The following WWOX variants were observed in gnomAD, a reference collection of about 807,000 sequenced individuals.
WWOX encodes the protein WW domain containing oxidoreductase.
A neutral mutation model predicts 46.2 loss-of-function variants in WWOX; 69 were observed. The ratio of observed to expected loss-of-function variants is 1.49; its 90% CI spans 1.23 to 1.82. The LOEUF (loss-of-function observed/expected upper bound fraction) is 1.82. Ranked by LOEUF, WWOX falls within the 40% of genes most tolerant of loss-of-function variation. The probability of loss-of-function intolerance (pLI) is 0.00; values close to 1 mark genes in which losing one functional copy is unlikely to be tolerated. For missense variants in WWOX, 919 were observed against 542.6 expected (o/e 1.69, Z -6.89); for synonymous variants, 359 against 202.6 (o/e 1.77, Z -6.56).
In WWOX at chr16:78,930,608, T is replaced by G. The variant is rs2045603526; in HGVS notation, c.1057-281000T>G. Among the ~76,000 whole-genome samples the G allele has an allele frequency of 2.6e-5, 4 of 151,636 alleles. No individual in the cohort carries two copies. The South Asian group carries it at 8.3e-4, about 32-fold the overall frequency. On this transcript the variant is annotated intron_variant, in intron 8 of 8. Transcript: ENST00000566780. ...ACCAGGCAAGGACTTTTTTTTTTTT[T>G]TTTAAACAAACTTCACTCAGTTTGA...
intron 8 of WWOX, among the ~76,000 whole-genome samples, chr16:78,797,127 C>T (rs564781890): frequency 6.6e-6 from 1 of 152,020 alleles, no homozygotes; most frequent in South Asian, 2.1e-4. Flanking sequence ...TGCTGGGCCC[C>T]AACTTTCTTT....
chr16:78,852,327 C>T (rs1015501448), intron 8 of WWOX, among the ~76,000 whole-genome samples: 32 of 152,150 alleles, frequency 2.1e-4, no homozygotes, highest in African/African-American at 7.0e-4. Context: ...ACCTCTGAAG[C>T]TAGGTGACAA....
At chr16:79,087,611 A>T (rs2150593138) in intron 8 of WWOX, among the ~76,000 whole-genome samples, 1 of 152,322 alleles carries the variant, frequency 6.6e-6, no homozygotes, top group African/African-American at 2.4e-5. Context: ...TTGACTTCAT[A>T]TTGGAGGCAG....
intron 8 of WWOX, among the ~76,000 whole-genome samples, chr16:78,713,964 T>C (rs968286554): frequency 3.9e-5 from 6 of 152,064 alleles, no homozygotes; most frequent in Admixed American, 3.9e-4. Context: ...CTGTCTCCAA[T>C]TGGCTACGAG....
intron 8 of WWOX, among the ~76,000 whole-genome samples, chr16:79,036,866 C>T (rs1021935745): frequency 1.3e-5 from 2 of 152,112 alleles, no homozygotes; most frequent in Non-Finnish European, 2.9e-5. Flanking sequence ...AAGAGAGGAT[C>T]AGATTCAGTG....
chr16:79,146,457 C>T (rs1271604184), intron 8 of WWOX, among the ~76,000 whole-genome samples: 1 of 152,054 alleles, frequency 6.6e-6, no homozygotes, highest in African/African-American at 2.4e-5. Flanking sequence ...ACCTGGGCAG[C>T]GTAGTAGAAG....
chr16:78,859,436 T>C (rs1022562228), intron 8 of WWOX, among the ~76,000 whole-genome samples: 4 of 152,280 alleles, frequency 2.6e-5, no homozygotes, highest in Middle Eastern at 6.8e-3. Flanking sequence ...CTGGGTCTAC[T>C]ATTGCAAAGG....
intron 8 of WWOX, among the ~76,000 whole-genome samples, chr16:78,798,881 T>C (rs2050812793): frequency 6.6e-6 from 1 of 152,166 alleles, no homozygotes. Context: ...GCAGTGTCCT[T>C]TTCTCCCCAG....
intron 8 of WWOX, among the ~76,000 whole-genome samples, chr16:78,911,367 T>C (rs1244043970): frequency 6.6e-6 from 1 of 152,090 alleles, no homozygotes; most frequent in Non-Finnish European, 1.5e-5. Context: ...CCTGCTGTTT[T>C]ATTAGGCATG....
At chr16:78,293,997 A>C (rs538863984) in intron 5 of WWOX, among the ~76,000 whole-genome samples, 195 of 149,830 alleles carry the variant, frequency 1.3e-3, no homozygotes, top group African/African-American at 4.4e-3. Context: ...AAAAAAAAAA[A>C]AAAAAAAAAA....
intron 8 of WWOX, among the ~76,000 whole-genome samples, chr16:79,140,726 C>G (rs2050073067): frequency 6.6e-6 from 1 of 152,176 alleles, no homozygotes; most frequent in South Asian, 2.1e-4. Flanking sequence ...GGGACATGGT[C>G]TTTTGTCTGT....
intron 8 of WWOX, among the ~76,000 whole-genome samples, chr16:78,863,378 C>G (rs1377555823): frequency 6.6e-6 from 1 of 152,120 alleles, no homozygotes; most frequent in Non-Finnish European, 1.5e-5. Context: ...TAACTATGGA[C>G]CTTGATGAAT....
At chr16:78,207,689 A>G (rs989340837) in intron 5 of WWOX, among the ~76,000 whole-genome samples, 38 of 147,640 alleles carry the variant, frequency 2.6e-4, no homozygotes, top group Admixed American at 2.4e-3. Flanking sequence ...CATTGCTGGG[A>G]TGATGAGGCT....
chr16:78,570,829 G>A (rs1174003910), intron 8 of WWOX, among the ~76,000 whole-genome samples: 2 of 152,190 alleles, frequency 1.3e-5, no homozygotes, highest in South Asian at 2.1e-4. Flanking sequence ...ATGAATGGCA[G>A]GGGAGAAGGC....
At chr16:78,544,902 G>A (rs868035884) in intron 8 of WWOX, among the ~76,000 whole-genome samples, 1 of 151,660 alleles carries the variant, frequency 6.6e-6, no homozygotes, top group Admixed American at 6.6e-5. Flanking sequence ...TATGGCCAGG[G>A]GTGGTGGCTC....
chr16:78,176,530 G>A (rs575226676), intron 5 of WWOX, among the ~76,000 whole-genome samples: 4 of 152,238 alleles, frequency 2.6e-5, no homozygotes, highest in African/African-American at 7.2e-5. Flanking sequence ...CTGTAAACCG[G>A]GTAGCTGGGA....
At chr16:78,379,196 T>C (rs1357497343) in intron 5 of WWOX, among the ~76,000 whole-genome samples, 1 of 152,228 alleles carries the variant, frequency 6.6e-6, no homozygotes, top group Non-Finnish European at 1.5e-5. Context: ...AATAAATACA[T>C]GCAAATTAGA....
chr16:78,733,262 C>G (rs1383259472), intron 8 of WWOX, among the ~76,000 whole-genome samples: 1 of 152,120 alleles, frequency 6.6e-6, no homozygotes, highest in African/African-American at 2.4e-5. Flanking sequence ...TACTGCCAGC[C>G]TGGGCAACAT....
At chr16:78,778,377 A>G (rs2050243908) in intron 8 of WWOX, among the ~76,000 whole-genome samples, 1 of 152,208 alleles carries the variant, frequency 6.6e-6, no homozygotes, top group South Asian at 2.1e-4. Flanking sequence ...GAACGAGGTG[A>G]CAGCAAGACC....
Sources: gnomAD v4.1 joint callset for allele counts (sites outside exome capture counted in the v4.1 genomes callset) on GRCh38, gnomAD v4.1.1 for gene constraint, MANE v1.5 for transcripts, NCBI Gene and HGNC (gene_info 2026-07-23, HGNC 2026-07-21) for gene names.